Variants in DERA observed in about 807,000 individuals in gnomAD.
The protein encoded by DERA is deoxyribose-phosphate aldolase, also known as 2-deoxy-D-ribose 5-phosphate aldolase.
Under a neutral mutation model 41.1 loss-of-function variants are expected in DERA, and 15 were observed. That is an observed-to-expected ratio of 0.37 (90% CI 0.24 to 0.56). The LOEUF (loss-of-function observed/expected upper bound fraction) is 0.56, where lower values mean the gene tolerates loss of function less well. Among genes scored for constraint, DERA ranks in the 20% least tolerant of loss-of-function variants. The pLI is 0.81. For missense variants in DERA, 396 were observed against 403.4 expected, an observed-to-expected ratio of 0.98 and a Z score of 0.16; for synonymous variants, 139 against 137.4, an observed-to-expected ratio of 1.01 and a Z score of -0.08.
chr12:16,021,349 C>T lies in DERA; in HGVS notation c.638-11193C>T, dbSNP rs1949016025. ...GCTGTGGAGAGTACAAGTTGTAAGC[C>T]TTGCTGGTTTCTATGTGATGTTAAG... is the stretch of plus-strand genomic sequence containing the variant. On this transcript the variant is annotated intron_variant, in intron 6 of 8. Transcript: ENST00000428559. The surrounding 1 kb of genome is among the most constrained non-coding windows in gnomAD (Gnocchi z 5.3). Among the ~76,000 whole-genome samples the T allele has an allele frequency of 1.3e-5, 2 of 152,152 alleles. No individual in the cohort carries two copies. The highest frequency in any genetic ancestry group is 4.8e-5 in the African/African-American group (2 of 41,428).
At chr12:15,934,381 T>A (rs11056730) in intron 1 of DERA, among the ~76,000 whole-genome samples, 32,591 of 151,890 alleles carry the variant, frequency 0.21, 3,870 homozygotes, top group Admixed American at 0.34. Flanking sequence ...GGTCAGGAGA[T>A]CGAGACCATC....
chr12:16,003,691 A>G lies in DERA; in HGVS notation c.637+21255A>G, dbSNP rs546681312. Among the ~76,000 whole-genome samples the G allele has an allele frequency of 6.6e-6, 1 of 152,236 alleles. No individual in the cohort carries two copies. Among genetic ancestry groups the G allele is most frequent in the East Asian group, 1.9e-4 (1 of 5,168 alleles). Reference sequence around the variant, plus strand: ...TGCATTTGTTGGGGGAGCGCCAGGAAACAAGAGTGTCAATTTCTGGCTCAT... The same window carrying G: ...TGCATTTGTTGGGGGAGCGCCAGGAGACAAGAGTGTCAATTTCTGGCTCAT... On this transcript the variant is annotated intron_variant, in intron 6 of 8. Transcript: ENST00000428559. The surrounding 1 kb of genome is among the most constrained non-coding windows in gnomAD (Gnocchi z 4.8).
chr12:15,923,111 C>T (rs1948257023), intron 1 of DERA, among the ~76,000 whole-genome samples: 1 of 148,386 alleles, frequency 6.7e-6, no homozygotes, highest in African/African-American at 2.5e-5. Flanking sequence ...CAAGCTCCGC[C>T]TCCCGGGTTC....
chr12:15,948,997 G>A (rs1948473971), intron 1 of DERA, among the ~76,000 whole-genome samples: 1 of 152,214 alleles, frequency 6.6e-6, no homozygotes, highest in Non-Finnish European at 1.5e-5. Flanking sequence ...GTCAGCAGCA[G>A]AGGCTGCAGA....
chr12:15,957,027 G>T lies in DERA; in HGVS notation c.123G>T (p.Glu41Asp). The change falls in exon 2 of 9, where the codon GAG becomes GAT. Residue 41 changes from glutamate to aspartate, a missense_variant. Coordinates refer to ENST00000428559, the MANE Select transcript of DERA (RefSeq NM_015954.4). This position sits in a 1 kb window ranked among gnomAD's most constrained non-coding sequence, Gnocchi z 4.8. Reference sequence around the variant, plus strand: ...AGGCTCGCAGAACCGTGAAAAAGGAGTGGCAGGTAAGGGTTCTTCTTGAGC... The same window carrying T: ...AGGCTCGCAGAACCGTGAAAAAGGATTGGCAGGTAAGGGTTCTTCTTGAGC... ...QIQARRTVKK[E>D]WQAAWLLKAV... 1 of 1,613,592 alleles carries T rather than the reference G, an allele frequency of 6.2e-7. No homozygotes were observed. The highest frequency in any genetic ancestry group is 8.5e-7 in the Non-Finnish European group (1 of 1,179,574).
chr12:15,981,678 C>T lies in DERA; in HGVS notation c.509-630C>T, dbSNP rs922542116. 2.0e-5 allele frequency among the ~76,000 whole-genome samples: 3 copies of T among 152,132 alleles called. No homozygotes were observed. The highest frequency in any genetic ancestry group is 4.4e-5 in the Non-Finnish European group (3 of 68,030). On this transcript the variant is annotated intron_variant, in intron 5 of 8. Coordinates refer to ENST00000428559, the MANE Select transcript of DERA (RefSeq NM_015954.4). The surrounding 1 kb of genome is among the most constrained non-coding windows in gnomAD (Gnocchi z 6.1). ...CCAGATGTGGTACTGGGGTCATGGGCTCAGGGGTTAACAGATTTAAGGCAG... is the reference window on the plus strand; with the variant it reads ...CCAGATGTGGTACTGGGGTCATGGGTTCAGGGGTTAACAGATTTAAGGCAG...
chr12:15,945,043 C>T (rs988876104), intron 1 of DERA, among the ~76,000 whole-genome samples: 9 of 151,988 alleles, frequency 5.9e-5, no homozygotes, highest in Non-Finnish European at 1.0e-4. Flanking sequence ...TGATTGTAGA[C>T]GTGTGGTATT....
chr12:15,911,770 A>G lies in DERA; in HGVS notation c.31+356A>G. On this transcript the variant is annotated intron_variant, in intron 1 of 8. Transcript: ENST00000428559. This position sits in a 1 kb window ranked among gnomAD's most constrained non-coding sequence, Gnocchi z 4.5. ...CCCAAGCAGGTAAAAACAGATAAAA[A>G]CCTTCTTTCTCCTCCTTTTAATAGA... The G allele has an allele frequency of 1.8e-6, 1 of 551,124 alleles. No individual in the cohort carries two copies. Among genetic ancestry groups the G allele is most frequent in the Non-Finnish European group, 3.5e-6 (1 of 289,364 alleles). The allele number at this position is 551,124 out of a possible 1,614,324, so 34.1% of individuals were successfully genotyped here.
In DERA at chr12:15,988,648, C is replaced by T. The variant is rs1009276383; in HGVS notation, c.637+6212C>T. ...ATGGTCATCAATGAAGTTCTCACTC[C>T]AGGCTGTGGCCTTCACTCAGACCTG... On this transcript the variant is annotated intron_variant, in intron 6 of 8. Coordinates refer to ENST00000428559, the MANE Select transcript of DERA (RefSeq NM_015954.4). This position sits in a 1 kb window ranked among gnomAD's most constrained non-coding sequence, Gnocchi z 6.0. 6.6e-6 allele frequency among the ~76,000 whole-genome samples: 1 copy of T among 152,166 alleles called. No individual in the cohort carries two copies. Among genetic ancestry groups the T allele is most frequent in the Admixed American group, 6.5e-5 (1 of 15,284 alleles).
chr12:16,033,978 A>G (rs1949110815), intron 7 of DERA, among the ~76,000 whole-genome samples: 1 of 152,190 alleles, frequency 6.6e-6, no homozygotes, highest in African/African-American at 2.4e-5. Flanking sequence ...TTGTTTAGAT[A>G]AGCTGTAAAA....
At chr12:16,024,211 AAAGAAAATAGAGCAG>A (rs1347580922) in intron 6 of DERA, among the ~76,000 whole-genome samples, 1 of 152,234 alleles carries the variant, frequency 6.6e-6, no homozygotes, top group East Asian at 1.9e-4. Flanking sequence ...CTAGAAGACG[AAAGAAAATAGAGCAG>A]ACAACATATT....
In DERA at chr12:15,999,512, A is replaced by G. The variant is rs1366097126; in HGVS notation, c.637+17076A>G. Among the ~76,000 whole-genome samples the G allele has an allele frequency of 6.6e-6, 1 of 152,180 alleles. No individual in the cohort carries two copies. Among genetic ancestry groups the G allele is most frequent in the African/African-American group, 2.4e-5 (1 of 41,422 alleles). On this transcript the variant is annotated intron_variant, in intron 6 of 8. Transcript: ENST00000428559. The surrounding 1 kb of genome is among the most constrained non-coding windows in gnomAD (Gnocchi z 5.3). ...ACAAAGCAAGTGGCATTTGTATAGA[A>G]GTTGTTAGGTGCAGATACAGAGAAA... is the stretch of plus-strand genomic sequence containing the variant.
chr12:15,962,410 T>G (rs1033277312), intron 4 of DERA, among the ~76,000 whole-genome samples: 17 of 152,290 alleles, frequency 1.1e-4, no homozygotes, highest in African/African-American at 4.1e-4. Flanking sequence ...GATAGCTAAC[T>G]TGATCAAGAT....
chr12:15,935,648 A>C lies in DERA; in HGVS notation c.32-21288A>C, dbSNP rs905869797. On this transcript the variant is annotated intron_variant, in intron 1 of 8. Coordinates refer to ENST00000428559, the MANE Select transcript of DERA (RefSeq NM_015954.4). The surrounding 1 kb of genome is among the most constrained non-coding windows in gnomAD (Gnocchi z 4.8). ...TACATTTTAAAGTTGGGGAAGATAAAAATAAAATAATTCCTAGTCTGCCAT... is the reference window on the plus strand; with the variant it reads ...TACATTTTAAAGTTGGGGAAGATAACAATAAAATAATTCCTAGTCTGCCAT... Among the ~76,000 whole-genome samples, 1 of 152,218 alleles carries C rather than the reference A, an allele frequency of 6.6e-6. No individual in the cohort carries two copies. The highest frequency in any genetic ancestry group is 1.5e-5 in the Non-Finnish European group (1 of 68,042).
At chr12:15,952,824 A>G (rs1344443363) in intron 1 of DERA, among the ~76,000 whole-genome samples, 2 of 152,232 alleles carry the variant, frequency 1.3e-5, no homozygotes, top group Non-Finnish European at 2.9e-5. Context: ...CAAGTAAGCC[A>G]TAGTCAGTCA....
rs947136504 is a variant in DERA, at chr12:16,014,563, C to G, written c.638-17979C>G. Among the ~76,000 whole-genome samples, 8 of 152,194 alleles carry G rather than the reference C, an allele frequency of 5.3e-5. No homozygotes were observed. Among genetic ancestry groups the G allele is most frequent in the African/African-American group, 1.9e-4 (8 of 41,436 alleles). ...GGTTTCAGAGGATGTATGGAATCGC[C>G]TGGATGTCCTGGCAGAAGTTTACTG... On this transcript the variant is annotated intron_variant, in intron 6 of 8. Coordinates refer to ENST00000428559, the MANE Select transcript of DERA (RefSeq NM_015954.4). This position sits in a 1 kb window ranked among gnomAD's most constrained non-coding sequence, Gnocchi z 5.4.
At position 16,036,170 on chromosome 12, in the gene DERA, A is replaced by G; in HGVS notation, c.751-62A>G. The G allele has an allele frequency of 2.2e-6, 3 of 1,387,192 alleles. No homozygotes were observed. Among genetic ancestry groups the G allele is most frequent in the East Asian group, 5.3e-5 (2 of 37,842 alleles). The allele number at this position is 1,387,192 out of a possible 1,614,324, so 85.9% of individuals were successfully genotyped here. ...GAATCAAGACTCTGATAAACATAGT[A>G]CTATTTTTAAAAGAAATCCAATAAC... is the stretch of plus-strand genomic sequence containing the variant. On this transcript the variant is annotated intron_variant, in intron 7 of 8. Coordinates refer to ENST00000428559, the MANE Select transcript of DERA (RefSeq NM_015954.4). The surrounding 1 kb of genome is among the most constrained non-coding windows in gnomAD (Gnocchi z 4.9).
Position 16,020,043 on chromosome 12 carries a change from T to C in DERA, c.638-12499T>C, listed in dbSNP as rs921519609. On this transcript the variant is annotated intron_variant, in intron 6 of 8. Transcript: ENST00000428559. The surrounding 1 kb of genome is among the most constrained non-coding windows in gnomAD (Gnocchi z 5.5). The stretch of plus-strand genomic sequence containing the variant: ...CACTCTCGCCATCTGACATGCCTGC[T>C]CTCTTTGCTTTCTGCTGTGATTGTA... 2.0e-5 allele frequency among the ~76,000 whole-genome samples: 3 copies of C among 152,168 alleles called. No homozygotes were observed. The highest frequency in any genetic ancestry group is 6.5e-5 in the Admixed American group (1 of 15,270).
In DERA at chr12:15,942,014, A is replaced by G. The variant is rs115421735; in HGVS notation, c.32-14922A>G. Among the ~76,000 whole-genome samples the G allele has an allele frequency of 3.5e-3, 536 of 152,300 alleles. 3 individuals carry two copies. The highest frequency in any genetic ancestry group is 0.012 in the African/African-American group (511 of 41,568). The stretch of plus-strand genomic sequence containing the variant: ...AGTGTTCCCTTTTCACCACATTTAT[A>G]TCAACGTCTATTATTTTTTGACTTT... On this transcript the variant is annotated intron_variant, in intron 1 of 8. Transcript: ENST00000428559.
Sources: gnomAD v4.1 joint callset for allele counts (sites outside exome capture counted in the v4.1 genomes callset) on GRCh38, gnomAD v4.1.1 for gene constraint, Gnocchi (gnomAD v3.1) non-coding constraint, MANE v1.5 for transcripts, NCBI Gene and HGNC (gene_info 2026-07-23, HGNC 2026-07-21) for gene names.